TMEM108: variants seen among roughly 807,000 people sequenced by gnomAD.
The protein encoded by TMEM108 is transmembrane protein 108, also known as cancer/testis antigen 124.
TMEM108 carries 12 observed loss-of-function variants against 35.1 expected under a neutral mutation model. The ratio of observed to expected loss-of-function variants is 0.34; its 90% CI spans 0.22 to 0.55. The LOEUF is 0.55. Ranked by LOEUF, TMEM108 falls within the 20% of genes least tolerant of loss-of-function variation. The pLI is 0.89. For synonymous variants in TMEM108, 287 were observed against 308.6 expected (o/e 0.93, Z 0.73); for missense variants, 680 against 753.3 (o/e 0.90, Z 1.14).
intron 2 of TMEM108, among the ~76,000 whole-genome samples, chr3:133,222,626 A>G (rs1390579968): frequency 6.6e-6 from 1 of 151,674 alleles, no homozygotes; most frequent in African/African-American, 2.4e-5. Flanking sequence ...CAAGTTCACA[A>G]ATTTTTCTTC....
Position 133,103,164 on chromosome 3 carries a change from G to A in TMEM108, c.-47+57144G>A, listed in dbSNP as rs147173804. On this transcript the variant is annotated intron_variant, in intron 2 of 5. Transcript: ENST00000321871. ...GTTCATTGAAGCACTATTCACAATA[G>A]CAAACACATGGAATCAGCTGAAATG... Among the ~76,000 whole-genome samples, 32 of 152,260 alleles carry A rather than the reference G, an allele frequency of 2.1e-4. 1 individual carries two copies. The East Asian group carries it at 6.2e-3, about 29-fold the overall frequency.
rs542995659 is a variant in TMEM108, at chr3:133,355,882, T to C, written c.41-23870T>C. Among the ~76,000 whole-genome samples, 7 of 152,286 alleles carry C rather than the reference T, an allele frequency of 4.6e-5. No homozygotes were observed. The South Asian group carries it at 1.0e-3, about 23-fold the overall frequency. ...GACATAGTTTAATTGCTAGCTTTTT[T>C]CTTTCTAACTGGCACAAAAAAATAG... On this transcript the variant is annotated intron_variant, in intron 3 of 5. Coordinates refer to ENST00000321871, the MANE Select transcript of TMEM108 (RefSeq NM_023943.4).
In TMEM108 at chr3:133,231,832, A is replaced by G. The variant is rs535077428; in HGVS notation, c.40+2481A>G. ...AGCTATACCCTCCTTTGTGCCTACT[A>G]TGTTCACAAGGATTTGCTGACAGTT... On this transcript the variant is annotated intron_variant, in intron 3 of 5. Coordinates refer to ENST00000321871, the MANE Select transcript of TMEM108 (RefSeq NM_023943.4). 7.2e-5 allele frequency among the ~76,000 whole-genome samples: 11 copies of G among 152,286 alleles called. No individual in the cohort carries two copies. In the East Asian group the frequency reaches 1.5e-3, roughly 21 times the overall value.
intron 2 of TMEM108, among the ~76,000 whole-genome samples, chr3:133,058,779 A>T (rs1943503661): frequency 6.6e-6 from 1 of 152,150 alleles, no homozygotes; most frequent in South Asian, 2.1e-4. Context: ...CCCCAATTAG[A>T]TAAGGAGGCC....
At chr3:133,358,679 C>T (rs1036023341) in intron 3 of TMEM108, among the ~76,000 whole-genome samples, 2 of 152,104 alleles carry the variant, frequency 1.3e-5, no homozygotes, top group African/African-American at 4.8e-5. Flanking sequence ...TCATTCTGCT[C>T]TTGGAAGTTT....
At chr3:133,277,238 G>T (rs1427920304) in intron 3 of TMEM108, among the ~76,000 whole-genome samples, 1 of 152,004 alleles carries the variant, frequency 6.6e-6, no homozygotes, top group Non-Finnish European at 1.5e-5. Flanking sequence ...GATCATAATT[G>T]TACCGTGGTT....
intron 2 of TMEM108, among the ~76,000 whole-genome samples, chr3:133,176,619 C>T (rs1341448745): frequency 1.1e-4 from 17 of 151,340 alleles, no homozygotes; most frequent in African/African-American, 2.4e-4. Context: ...TTGAAACCAA[C>T]GAGAACAAAG....
intron 2 of TMEM108, among the ~76,000 whole-genome samples, chr3:133,186,627 C>G (rs1404722766): frequency 2.0e-5 from 3 of 152,164 alleles, no homozygotes; most frequent in Non-Finnish European, 2.9e-5. Context: ...AATGTGTCCT[C>G]CATTGATTTG....
At chr3:133,198,650 A>G (rs1469346163) in intron 2 of TMEM108, among the ~76,000 whole-genome samples, 1 of 152,236 alleles carries the variant, frequency 6.6e-6, no homozygotes, top group African/African-American at 2.4e-5. Flanking sequence ...TAGTTTGGGT[A>G]GAGAAAAAAA....
At chr3:133,087,213 C>T (rs930583039) in intron 2 of TMEM108, among the ~76,000 whole-genome samples, 2 of 152,150 alleles carry the variant, frequency 1.3e-5, no homozygotes, top group East Asian at 3.9e-4. Flanking sequence ...GACCTGCTTC[C>T]CACTCTCTGG....
intron 3 of TMEM108, among the ~76,000 whole-genome samples, chr3:133,272,313 T>C (rs62278979): frequency 4.1e-5 from 4 of 97,966 alleles, no homozygotes; most frequent in Non-Finnish European, 6.3e-5. Flanking sequence ...GTGTGTGTGT[T>C]TCCTAAAGGA....
intron 1 of TMEM108, among the ~76,000 whole-genome samples, chr3:133,044,730 A>G (rs2107670615): frequency 6.6e-6 from 1 of 152,246 alleles, no homozygotes; most frequent in East Asian, 1.9e-4. Flanking sequence ...GAGGCAGGAG[A>G]ATTGCTTGAG....
At chr3:133,227,043 AC>A (rs554756472) in intron 2 of TMEM108, among the ~76,000 whole-genome samples, 39 of 152,076 alleles carry the variant, frequency 2.6e-4, no homozygotes, top group Admixed American at 2.4e-3. Flanking sequence ...GGAAAGACCC[AC>A]CCCCGTGATT....
chr3:133,209,452 C>T (rs1447324980), intron 2 of TMEM108, among the ~76,000 whole-genome samples: 1 of 152,054 alleles, frequency 6.6e-6, no homozygotes, highest in Non-Finnish European at 1.5e-5. Context: ...ACAAGATAGT[C>T]TCTCTCCATG....
At chr3:133,385,536 A>C (rs895166895) in intron 4 of TMEM108, among the ~76,000 whole-genome samples, 3 of 152,178 alleles carry the variant, frequency 2.0e-5, no homozygotes, top group Non-Finnish European at 4.4e-5. Context: ...CAGCCTCCAA[A>C]GGAGGGAAAT....
chr3:133,178,896 T>C (rs1214760328), intron 2 of TMEM108, among the ~76,000 whole-genome samples: 1 of 152,080 alleles, frequency 6.6e-6, no homozygotes. Context: ...GAGAAAATTT[T>C]TGCAATCTAC....
chr3:133,362,898 G>A (rs1366104506), intron 3 of TMEM108, among the ~76,000 whole-genome samples: 2 of 152,300 alleles, frequency 1.3e-5, no homozygotes, highest in Non-Finnish European at 2.9e-5. Flanking sequence ...AGGGCACACA[G>A]TTTAGATCCA....
intron 3 of TMEM108, among the ~76,000 whole-genome samples, chr3:133,279,931 T>C (rs1405611944): frequency 6.6e-6 from 1 of 152,196 alleles, no homozygotes; most frequent in Non-Finnish European, 1.5e-5. Flanking sequence ...ATGTAAAATA[T>C]AATATTATGC....
chr3:133,313,232 C>T (rs949810937), intron 3 of TMEM108, among the ~76,000 whole-genome samples: 3 of 150,120 alleles, frequency 2.0e-5, no homozygotes, highest in Non-Finnish European at 2.9e-5. Flanking sequence ...GAGTCTCTCT[C>T]TGTCACCCAG....
Sources: gnomAD v4.1 joint callset for allele counts (sites outside exome capture counted in the v4.1 genomes callset) on GRCh38, gnomAD v4.1.1 for gene constraint, MANE v1.5 for transcripts, NCBI Gene and HGNC (gene_info 2026-07-23, HGNC 2026-07-21) for gene names.